Variants in CCSER1 observed in about 807,000 individuals in gnomAD.
CCSER1 encodes coiled-coil serine rich protein 1, also known as serine-rich coiled-coil domain-containing protein 1.
A neutral mutation model predicts 82.0 loss-of-function variants in CCSER1; 41 were observed. The observed-to-expected ratio is 0.50, with a 90% CI of 0.39 to 0.65. The LOEUF is 0.65. CCSER1 is among the 30% of genes least tolerant of loss of function. CCSER1 has a pLI of 0.00. For missense variants in CCSER1, 1,119 were observed against 1,064.2 expected (o/e 1.05, Z -0.72); for synonymous variants, 414 against 383.9 (o/e 1.08, Z -0.92).
intron 1 of CCSER1, among the ~76,000 whole-genome samples, chr4:90,135,888 G>C (rs1723613427): frequency 6.6e-6 from 1 of 152,146 alleles, no homozygotes; most frequent in African/African-American, 2.4e-5. Context: ...GGTGTTTACT[G>C]AACAGCTTAA....
chr4:91,213,866 T>A (rs986184322), intron 10 of CCSER1, among the ~76,000 whole-genome samples: 6 of 152,150 alleles, frequency 3.9e-5, no homozygotes, highest in African/African-American at 1.4e-4. Context: ...GACATTGTTG[T>A]GGATTCTTCC....
At chr4:91,135,660 A>G (rs1242282007) in intron 10 of CCSER1, among the ~76,000 whole-genome samples, 3 of 152,144 alleles carry the variant, frequency 2.0e-5, no homozygotes, top group Non-Finnish European at 4.4e-5. Flanking sequence ...ACACATGCAC[A>G]CACATGAAGA....
intron 10 of CCSER1, among the ~76,000 whole-genome samples, chr4:91,315,707 T>C (rs1208357948): frequency 6.6e-6 from 1 of 152,030 alleles, no homozygotes; most frequent in Non-Finnish European, 1.5e-5. Flanking sequence ...AAAATTCATC[T>C]AATACTCTAC....
chr4:91,077,943 G>A (rs1722188533), intron 9 of CCSER1, among the ~76,000 whole-genome samples: 2 of 152,226 alleles, frequency 1.3e-5, no homozygotes, highest in Non-Finnish European at 2.9e-5. Context: ...AGCAGCCAGG[G>A]AAGCTCGAAC....
intron 10 of CCSER1, among the ~76,000 whole-genome samples, chr4:91,518,133 G>A (rs1017623174): frequency 6.6e-6 from 1 of 152,208 alleles, no homozygotes; most frequent in African/African-American, 2.4e-5. Flanking sequence ...GCATGCAGCA[G>A]CTCTGGGGTG....
At chr4:90,806,938 G>C (rs1757592451) in intron 7 of CCSER1, among the ~76,000 whole-genome samples, 1 of 145,828 alleles carries the variant, frequency 6.9e-6, no homozygotes, top group Non-Finnish European at 1.5e-5. Context: ...AACTCCATTT[G>C]ATTCCTGGAG....
intron 9 of CCSER1, among the ~76,000 whole-genome samples, chr4:90,944,812 A>G (rs1732035480): frequency 6.6e-6 from 1 of 152,170 alleles, no homozygotes; most frequent in Non-Finnish European, 1.5e-5. Flanking sequence ...ATTAGAAGTT[A>G]CCTGTTTTCT....
In CCSER1 at chr4:90,628,006, T is replaced by G; in HGVS notation, c.1725-19T>G. 6.4e-6 allele frequency: 2 copies of G among 310,640 alleles called. No individual in the cohort carries two copies. The highest frequency in any genetic ancestry group is 2.3e-4 in the East Asian group (1 of 4,322). The allele number at this position is 310,640 out of a possible 1,614,324, so 19.2% of individuals were successfully genotyped here. A position where few individuals can be genotyped will look rare whatever the true frequency, so the allele number is the denominator to read the frequency against. On this transcript the variant is annotated intron_variant, in intron 5 of 10. Transcript: ENST00000509176. The stretch of plus-strand genomic sequence containing the variant: ...GCATGCTGCACTGTAATTTTTGTTC[T>G]TTTTTTTTTTCTTGTTAGGAATCTT...
intron 1 of CCSER1, among the ~76,000 whole-genome samples, chr4:90,175,412 T>C (rs974623916): frequency 3.3e-5 from 5 of 151,910 alleles, no homozygotes; most frequent in African/African-American, 1.2e-4. Flanking sequence ...GAGAAACCTT[T>C]AGAGTTGATA....
intron 8 of CCSER1, among the ~76,000 whole-genome samples, chr4:90,835,169 A>C (rs1259879543): frequency 6.6e-6 from 1 of 151,562 alleles, no homozygotes; most frequent in Non-Finnish European, 1.5e-5. Context: ...GTCTCTACTA[A>C]AAATACAAAA....
intron 5 of CCSER1, among the ~76,000 whole-genome samples, chr4:90,488,509 AT>A (rs1210608274): frequency 6.6e-6 from 1 of 152,164 alleles, no homozygotes; most frequent in Non-Finnish European, 1.5e-5. Context: ...ATTTTAATAT[AT>A]TTCAATCAAG....
At chr4:90,895,627 G>T (rs1458756712) in intron 8 of CCSER1, among the ~76,000 whole-genome samples, 2 of 151,810 alleles carry the variant, frequency 1.3e-5, no homozygotes, top group Non-Finnish European at 2.9e-5. Context: ...AAATACCAAG[G>T]ATCAAGGTCC....
At chr4:90,800,364 A>G (rs1377024566) in intron 7 of CCSER1, among the ~76,000 whole-genome samples, 4 of 152,098 alleles carry the variant, frequency 2.6e-5, no homozygotes, top group Non-Finnish European at 5.9e-5. Flanking sequence ...GTCTTCCCAA[A>G]ATGTTGTGAT....
chr4:90,443,234 C>T (rs1257574454), intron 4 of CCSER1, among the ~76,000 whole-genome samples: 1 of 152,012 alleles, frequency 6.6e-6, no homozygotes, highest in Admixed American at 6.6e-5. Context: ...TTCACCTTTT[C>T]ACTTAAAGGG....
At chr4:91,161,043 A>G (rs944759904) in intron 10 of CCSER1, among the ~76,000 whole-genome samples, 5 of 152,134 alleles carry the variant, frequency 3.3e-5, no homozygotes, top group African/African-American at 4.8e-5. Flanking sequence ...TAGGTTTAAC[A>G]TTTAACTCTT....
chr4:90,979,787 A>G (rs1260000222), intron 9 of CCSER1, among the ~76,000 whole-genome samples: 1 of 151,824 alleles, frequency 6.6e-6, no homozygotes, highest in Non-Finnish European at 1.5e-5. Flanking sequence ...TTTCACGTTT[A>G]CATTGGCTGT....
chr4:90,143,102 G>C (rs1578169405), intron 1 of CCSER1, among the ~76,000 whole-genome samples: 1 of 152,212 alleles, frequency 6.6e-6, no homozygotes, highest in Admixed American at 6.5e-5. Flanking sequence ...CAAATATCTG[G>C]TATGATGGTG....
At position 90,446,213 on chromosome 4, in the gene CCSER1, T is replaced by C. The variant is rs182240633; in HGVS notation, c.1604-22021T>C. On this transcript the variant is annotated intron_variant, in intron 4 of 10. Coordinates refer to ENST00000509176, the MANE Select transcript of CCSER1 (RefSeq NM_001145065.2). ...TGTTATTTCAATCACCCATTAAAAC[T>C]GTACACTTAGCACATTTCTTTTTGG... Among the ~76,000 whole-genome samples the C allele has an allele frequency of 3.3e-5, 5 of 152,320 alleles. No homozygotes were observed. The East Asian group carries it at 9.6e-4, about 29-fold the overall frequency.
chr4:90,559,120 T>A (rs1778436748), intron 5 of CCSER1, among the ~76,000 whole-genome samples: 1 of 152,224 alleles, frequency 6.6e-6, no homozygotes. Context: ...CAGGCCTGTA[T>A]AAATGCCACT....
Sources: gnomAD v4.1 joint callset for allele counts (sites outside exome capture counted in the v4.1 genomes callset) on GRCh38, gnomAD v4.1.1 for gene constraint, MANE v1.5 for transcripts, NCBI Gene and HGNC (gene_info 2026-07-23, HGNC 2026-07-21) for gene names.